COL18A1: variants seen among roughly 807,000 people sequenced by gnomAD.
COL18A1 encodes collagen alpha-1(XVIII) chain.
A neutral mutation model predicts 168.0 loss-of-function variants in COL18A1; 133 were observed. The ratio of observed to expected loss-of-function variants is 0.79; its 90% CI spans 0.69 to 0.91. The LOEUF is 0.91. Ranked by LOEUF, COL18A1 falls within the 40% of genes least tolerant of loss-of-function variation. The pLI is 0.00. For synonymous variants in COL18A1, 949 were observed against 809.0 expected (o/e 1.17, Z -2.94); for missense variants, 2,126 against 1,925.4 (o/e 1.10, Z -1.95).
chr21:45,479,789 C>T (rs1485221886), intron 9 of COL18A1, 113 bp from the exon 10 acceptor site: 23 of 1,479,910 alleles, frequency 1.6e-5, no homozygotes, highest in Non-Finnish European at 2.0e-5. Context: ...CAGAGACTCC[C>T]CTGAAGGGCT....
At chr21:45,455,157 G>C (rs2034750943) in intron 2 of COL18A1, among the ~76,000 whole-genome samples, 1 of 152,244 alleles carries the variant, frequency 6.6e-6, no homozygotes, top group Non-Finnish European at 1.5e-5. Context: ...CTGCCTCAGT[G>C]CTTCTGGGAT....
intron 2 of COL18A1, among the ~76,000 whole-genome samples, chr21:45,418,467 C>T (rs1010329584): frequency 1.3e-5 from 2 of 152,228 alleles, no homozygotes; most frequent in East Asian, 1.9e-4. Flanking sequence ...GAACAGCTGC[C>T]GGGTGTTTAG....
At chr21:45,504,881 T>C (rs566164741) in intron 34 of COL18A1, among the ~76,000 whole-genome samples, 2 of 151,366 alleles carry the variant, frequency 1.3e-5, no homozygotes, top group Admixed American at 1.3e-4. Context: ...CAGAGAGCCA[T>C]GGGCCCCAGC....
rs147849398 is a variant in COL18A1 at position 45,475,374 on chromosome 21, C to A, written c.739-102C>A. On this transcript the variant is annotated intron_variant, in intron 4 of 41. Transcript: ENST00000651438. ...AGGGCTGGACGAGGCGAGAGGGGGC[C>A]TGGAGGAGGCGAGAGCAGCGTCCTT... 1.1e-3 allele frequency: 1,143 copies of A among 1,073,838 alleles called. 11 individuals carry two copies. In the African/African-American group the frequency reaches 0.016, roughly 15 times the overall value. The allele number at this position is 1,073,838 out of a possible 1,614,324, so 66.5% of individuals were successfully genotyped here.
intron 36 of COL18A1, 29 bp from the exon 37 acceptor site, chr21:45,505,809 C>G: frequency 6.3e-7 from 1 of 1,579,802 alleles, no homozygotes. Context: ...CCCCGCCAAG[C>G]CCCACACCTC....
chr21:45,481,484 A>G (rs2035892664), intron 13 of COL18A1, among the ~76,000 whole-genome samples: 4 of 152,162 alleles, frequency 2.6e-5, no homozygotes, highest in Admixed American at 2.6e-4. Context: ...GTGTGGGGTT[A>G]GGTCACCCAT....
chr21:45,466,148 T>G (rs1368785441), intron 2 of COL18A1, among the ~76,000 whole-genome samples: 2 of 152,094 alleles, frequency 1.3e-5, no homozygotes, highest in Non-Finnish European at 2.9e-5. Flanking sequence ...GCAGAAGGGA[T>G]GGACGTCCCC....
chr21:45,494,381 G>T, intron 26 of COL18A1, 164 bp from the exon 27 acceptor site: 1 of 957,836 alleles, frequency 1.0e-6, no homozygotes. Flanking sequence ...TGCGCCTTGG[G>T]GACGGCCCAG....
intron 2 of COL18A1, among the ~76,000 whole-genome samples, chr21:45,437,492 TCACA>T (rs1201274354): frequency 1.3e-4 from 2 of 15,752 alleles, no homozygotes; most frequent in Non-Finnish European, 2.3e-4. Flanking sequence ...ACACTCACAC[TCACA>T]CACAGGCACT....
intron 2 of COL18A1, among the ~76,000 whole-genome samples, chr21:45,435,030 T>G (rs2034062442): frequency 6.6e-6 from 1 of 152,020 alleles, no homozygotes; most frequent in Non-Finnish European, 1.5e-5. Context: ...TCAGTGGGAT[T>G]TGTCCCTGGA....
rs370141116 is a variant in COL18A1 at position 45,491,256 on chromosome 21, C to T, written c.2099C>T (p.Pro700Leu). ...CCAGGGAAGGACGGAGTCGGGCAGC[C>T]GGGCCTCCCTGGCCCCCCCGGACCC... ...GDPGKDGVGQ[P>L]GLPGPPGPPG... The change falls in exon 22 of 42, where the codon CCG becomes CTG. Residue 700 changes from proline (P) to leucine (L), a missense_variant. Physicochemically the swap from Pro to Leu is moderately conservative, Grantham distance 98. Transcript: ENST00000651438. The T allele has an allele frequency of 1.7e-5, 27 of 1,612,320 alleles. No homozygotes were observed. The highest frequency in any genetic ancestry group is 5.3e-5 in the African/African-American group (4 of 74,918).
chr21:45,470,518 G>A (rs1439024870), intron 3 of COL18A1, among the ~76,000 whole-genome samples: 5 of 127,824 alleles, frequency 3.9e-5, no homozygotes, highest in East Asian at 2.3e-4. Flanking sequence ...ATGGAATCTC[G>A]CTCTGTTGCT....
Position 45,473,888 on chromosome 21 carries a change from C to A in COL18A1, c.652-7C>A. The A allele has an allele frequency of 6.3e-7, 1 of 1,594,176 alleles. No homozygotes were observed. The highest frequency in any genetic ancestry group is 8.5e-7 in the Non-Finnish European group (1 of 1,170,550). On this transcript the variant is annotated splice_polypyrimidine_tract_variant and splice_region_variant and intron_variant, in intron 3 of 41. Coordinates refer to ENST00000651438, the MANE Select transcript of COL18A1 (RefSeq NM_001379500.1). This position sits in a 1 kb window ranked among gnomAD's most constrained non-coding sequence, Gnocchi z 4.0. ...CGCTGGTGACCCCTTTCTCTGTCTGCATTTAGGGGGTGATCGCTGAGCTGA... is the reference window on the plus strand; with the variant it reads ...CGCTGGTGACCCCTTTCTCTGTCTGAATTTAGGGGGTGATCGCTGAGCTGA...
At chr21:45,405,498 G>T (rs1292140186) in intron 2 of COL18A1, 25 bp downstream of exon 2, 4 of 1,296,470 alleles carry the variant, frequency 3.1e-6, no homozygotes, top group African/African-American at 3.1e-5. Flanking sequence ...GGACGGGAAG[G>T]TTCGCGCCGG....
rs142342185 is a variant in COL18A1, at chr21:45,493,745, C to G, written c.2352+170C>G. 9.8e-3 allele frequency: 6,004 copies of G among 615,088 alleles called. 62 individuals are homozygous for G. Among genetic ancestry groups the G allele is most frequent in the South Asian group, 0.026 (1,345 of 51,456 alleles). The allele number at this position is 615,088 out of a possible 1,614,324, so 38.1% of individuals were successfully genotyped here. On this transcript the variant is annotated intron_variant, in intron 26 of 41. Coordinates refer to ENST00000651438, the MANE Select transcript of COL18A1 (RefSeq NM_001379500.1). ...GGCCCCTCCTTTCTCGCACCCATGT[C>G]GGCGGTTCCGCCGGCCCCTCGTCCT...
intron 40 of COL18A1, among the ~76,000 whole-genome samples, chr21:45,510,478 G>A (rs1475439471): frequency 6.6e-6 from 1 of 152,152 alleles, no homozygotes; most frequent in Non-Finnish European, 1.5e-5. Context: ...ACGTCCCCCA[G>A]GGCATCCCAT....
intron 2 of COL18A1, among the ~76,000 whole-genome samples, chr21:45,426,337 T>C (rs2145772961): frequency 6.6e-6 from 1 of 152,264 alleles, no homozygotes. Flanking sequence ...ACTCCTGACC[T>C]CAGGTGATCC....
At chr21:45,466,325 GGC>G (rs2035209917) in intron 2 of COL18A1, among the ~76,000 whole-genome samples, 1 of 152,172 alleles carries the variant, frequency 6.6e-6, no homozygotes, top group Non-Finnish European at 1.5e-5. Context: ...AACACACACA[GGC>G]CTCCAGAACC....
rs73909561 is a variant in COL18A1, at chr21:45,454,815, T to C, written c.107-13427T>C. 5.4e-3 allele frequency among the ~76,000 whole-genome samples: 827 copies of C among 152,288 alleles called. 12 individuals carry two copies. Among genetic ancestry groups the C allele is most frequent in the African/African-American group, 0.019 (799 of 41,564 alleles). On this transcript the variant is annotated intron_variant, in intron 2 of 41. Coordinates refer to ENST00000651438, the MANE Select transcript of COL18A1 (RefSeq NM_001379500.1). ...CGGATCCTTTTGTGGACGGGGAGAC[T>C]GAGGCCGGGAAGGAGTATGCATTCC...
Sources: gnomAD v4.1 joint callset for allele counts (sites outside exome capture counted in the v4.1 genomes callset) on GRCh38, gnomAD v4.1.1 for gene constraint, Gnocchi (gnomAD v3.1) non-coding constraint, MANE v1.5 for transcripts, NCBI Gene and HGNC (gene_info 2026-07-23, HGNC 2026-07-21) for gene names.